The following MTF1 variants were observed in gnomAD, a reference collection of about 807,000 sequenced individuals.
MTF1 encodes the protein metal regulatory transcription factor 1, also known as MRE-binding transcription factor.
Under a neutral mutation model 70.4 loss-of-function variants are expected in MTF1, and 22 were observed. That is an observed-to-expected ratio of 0.31 (90% CI 0.22 to 0.45). The LOEUF (loss-of-function observed/expected upper bound fraction) is 0.45. MTF1 is among the 20% of genes least tolerant of loss of function. The pLI is 1.00. For missense variants in MTF1, 649 were observed against 922.0 expected (o/e 0.70, Z 3.83); for synonymous variants, 333 against 352.8 (o/e 0.94, Z 0.63).
Position 37,822,507 on chromosome 1 carries a change from G to C in MTF1, c.1381C>G (p.Pro461Ala), listed in dbSNP as rs372541799. Reference protein sequence around the residue: ...PGSQQAAFGNPPALLQPPEVP... With the variant: ...PGSQQAAFGNAPALLQPPEVP... ...TCTGGAGGTTGTAAGAGAGCAGGGG[G>C]GTTGCCAAATGCAGCTTGCTGGGAG... Residue 461 changes from proline to alanine, a missense_variant, in exon 9 of 11, where the codon CCC (proline) becomes GCC (alanine). By Grantham distance (27) the Pro-to-Ala change is conservative. Transcript: ENST00000373036. The C allele has an allele frequency of 3.1e-6, 5 of 1,614,026 alleles. No individual in the cohort carries two copies. The highest frequency in any genetic ancestry group is 4.2e-6 in the Non-Finnish European group (5 of 1,180,034).
Position 37,810,744 on chromosome 1 carries a change from C to T in MTF1, c.*4392G>A, listed in dbSNP as rs912431532. The T allele has an allele frequency of 6.6e-6, 1 of 152,192 alleles. No homozygotes were observed. Among genetic ancestry groups the T allele is most frequent in the South Asian group, 2.1e-4 (1 of 4,832 alleles). The allele number at this position is 152,192 out of a possible 1,614,324, so 9.4% of individuals were successfully genotyped here. ...GGCTGAAGTATATTCTAAAACTTGTCTATTCTATAGCCTGAGAATTGAAGA... is the reference window on the plus strand; with the variant it reads ...GGCTGAAGTATATTCTAAAACTTGTTTATTCTATAGCCTGAGAATTGAAGA... On this transcript the variant is annotated 3_prime_UTR_variant, in exon 11 of 11. Transcript: ENST00000373036.
chr1:37,815,115 A>G lies in MTF1; in HGVS notation c.*21T>C. ...CCTCCTGCTCACCCGCTTTTCCCAG[A>G]GGTGAGCACACATGGGCCCTTCACT... On this transcript the variant is annotated 3_prime_UTR_variant, in exon 11 of 11. Coordinates refer to ENST00000373036, the MANE Select transcript of MTF1 (RefSeq NM_005955.3). This position sits in a 1 kb window ranked among gnomAD's most constrained non-coding sequence, Gnocchi z 4.5. 6.2e-7 allele frequency: 1 copy of G among 1,607,098 alleles called. No homozygotes were observed. Among genetic ancestry groups the G allele is most frequent in the Non-Finnish European group, 8.5e-7 (1 of 1,174,676 alleles).
intron 2 of MTF1, among the ~76,000 whole-genome samples, chr1:37,849,830 T>C (rs1265237979): frequency 1.3e-5 from 2 of 152,106 alleles, no homozygotes; most frequent in Non-Finnish European, 2.9e-5. Context: ...CAGGTTACAG[T>C]GAGCTATGAT....
intron 2 of MTF1, among the ~76,000 whole-genome samples, chr1:37,853,868 C>T (rs1055177947): frequency 6.6e-6 from 1 of 152,136 alleles, no homozygotes; most frequent in Non-Finnish European, 1.5e-5. Flanking sequence ...TGCTATAAAT[C>T]GACTACCACA....
intron 7 of MTF1, among the ~76,000 whole-genome samples, chr1:37,824,593 G>T (rs1163329081): frequency 6.6e-6 from 1 of 152,202 alleles, no homozygotes; most frequent in East Asian, 1.9e-4. Flanking sequence ...AGCTACTTGG[G>T]AGGCTGAGGC....
intron 5 of MTF1, 42 bp downstream of exon 5, chr1:37,835,629 A>G: frequency 6.9e-7 from 1 of 1,456,396 alleles, no homozygotes; most frequent in Non-Finnish European, 9.6e-7. Flanking sequence ...TGGAAAATTG[A>G]TAGTTACAGG....
At chr1:37,822,807 C>G in intron 8 of MTF1, 91 bp from the exon 9 acceptor site, 1 of 822,022 alleles carries the variant, frequency 1.2e-6, no homozygotes, top group Non-Finnish European at 1.9e-6. Context: ...CAAAACACAG[C>G]TGAAGTCCAC....
intron 7 of MTF1, chr1:37,826,429 C>A (rs1055242095): frequency 1.7e-5 from 6 of 354,232 alleles, no homozygotes; most frequent in African/African-American, 1.1e-4. Flanking sequence ...TACAGGCGCA[C>A]GCCACCATGC....
chr1:37,843,343 G>C (rs1191375318), intron 2 of MTF1, among the ~76,000 whole-genome samples: 1 of 152,026 alleles, frequency 6.6e-6, no homozygotes, highest in Non-Finnish European at 1.5e-5. Context: ...AACATATTTG[G>C]AGGCAGAAAA....
chr1:37,834,428 A>C, intron 6 of MTF1, among the ~76,000 whole-genome samples: 1 of 141,838 alleles, frequency 7.1e-6, no homozygotes, highest in Non-Finnish European at 1.6e-5. Flanking sequence ...GGGTGGGGGA[A>C]GGGAAAGACT....
At chr1:37,857,909 G>A (rs542021770) in intron 1 of MTF1, among the ~76,000 whole-genome samples, 200 bp from the exon 2 acceptor site, 93 of 151,734 alleles carry the variant, frequency 6.1e-4, no homozygotes, top group African/African-American at 2.1e-3. Context: ...GGGCGTGGTG[G>A]CTCACACCTG....
chr1:37,859,422 T>A, intron 1 of MTF1, 109 bp downstream of exon 1: 1 of 398,348 alleles, frequency 2.5e-6, no homozygotes, highest in Non-Finnish European at 4.4e-6. Context: ...GTGGGGTCCC[T>A]ATGGTGACCA....
chr1:37,824,332 T>A (rs1369456859), intron 7 of MTF1, among the ~76,000 whole-genome samples: 1 of 152,286 alleles, frequency 6.6e-6, no homozygotes, highest in Non-Finnish European at 1.5e-5. Context: ...GCCTAAAATA[T>A]TTACTGTCTG....
At chr1:37,849,950 A>G (rs1641390989) in intron 2 of MTF1, among the ~76,000 whole-genome samples, 1 of 152,224 alleles carries the variant, frequency 6.6e-6, no homozygotes, top group South Asian at 2.1e-4. Flanking sequence ...TGGAGTAGAA[A>G]GGCCTTAAAG....
rs777194095 is a variant in MTF1, at chr1:37,835,686, C to T, written c.838G>A (p.Val280Ile). The T allele has an allele frequency of 3.7e-6, 6 of 1,614,056 alleles. No homozygotes were observed. Among genetic ancestry groups the T allele is most frequent in the East Asian group, 2.2e-5 (1 of 44,880 alleles). The change falls in exon 5 of 11, where the codon GTT (valine) becomes ATT (isoleucine). Residue 280 changes from valine to isoleucine, a missense_variant. Physicochemically the swap from Val to Ile is conservative, Grantham distance 29. This residue lies in a region of MTF1 where 118 missense variants were observed against 287.2 expected (regional missense o/e 0.41). Coordinates refer to ENST00000373036, the MANE Select transcript of MTF1 (RefSeq NM_005955.3). ...FAASHHLKTHVRTHTGERPFF... is the reference protein window; with the variant it reads ...FAASHHLKTHIRTHTGERPFF... ...CTAAACTCACCAGTATGTGTACGAA[C>T]GTGAGTTTTAAGGTGGTGGCTTGCT...
chr1:37,822,581 G>A lies in MTF1; in HGVS notation c.1307C>T (p.Pro436Leu). 1 of 1,614,064 alleles carries A rather than the reference G, an allele frequency of 6.2e-7. No homozygotes were observed. Among genetic ancestry groups the A allele is most frequent in the Non-Finnish European group, 8.5e-7 (1 of 1,180,012 alleles). ...GLSEPPQPLL[P>L]ASAPSAPPPA... is the part of the protein sequence containing the mutation. ...CGGAGGAGCAGACGGAGCTGAGGCA[G>A]GTAGTAGAGGCTGGGGTGGCTCGGA... The change falls in exon 9 of 11, where the codon CCT (proline) becomes CTT (leucine). Residue 436 changes from proline to leucine, a missense_variant. By Grantham distance (98) the Pro-to-Leu change is moderately conservative. Around this residue, in one of 7 missense-constraint regions of MTF1, gnomAD observed 267 missense variants for 292.1 expected, o/e 0.91. Transcript: ENST00000373036.
At position 37,822,573 on chromosome 1, in the gene MTF1, C is replaced by G. The variant is rs777751267; in HGVS notation, c.1315G>C (p.Ala439Pro). The change falls in exon 9 of 11, where the codon GCT (alanine) becomes CCT (proline). Residue 439 changes from alanine (A) to proline (P), a missense_variant. By Grantham distance (27) the Ala-to-Pro change is conservative. Around this residue, in one of 7 missense-constraint regions of MTF1, gnomAD observed 267 missense variants for 292.1 expected, o/e 0.91. Coordinates refer to ENST00000373036, the MANE Select transcript of MTF1 (RefSeq NM_005955.3). ...EPPQPLLPAS[A>P]PSAPPPAPSL... ...GGAGCAGGCGGAGGAGCAGACGGAG[C>G]TGAGGCAGGTAGTAGAGGCTGGGGT... The G allele has an allele frequency of 5.0e-6, 8 of 1,613,838 alleles. No homozygotes were observed. The highest frequency in any genetic ancestry group is 1.7e-5 in the Admixed American group (1 of 59,970).
chr1:37,832,171 TC>T, intron 7 of MTF1, 73 bp downstream of exon 7: 1 of 968,100 alleles, frequency 1.0e-6, no homozygotes. Context: ...CTGGCCTGCC[TC>T]AATTTTCCCA....
Position 37,838,797 on chromosome 1 carries a change from CTTTT to C in MTF1, c.648-45_648-42del, listed in dbSNP as rs746478428. 1,913 of 473,364 alleles carry C rather than the reference CTTTT, an allele frequency of 4.0e-3. 7 individuals are homozygous for C. Among genetic ancestry groups the C allele is most frequent in the African/African-American group, 6.4e-3 (231 of 36,248 alleles). The allele number at this position is 473,364 out of a possible 1,614,324, so 29.3% of individuals were successfully genotyped here. On this transcript the variant is annotated intron_variant, in intron 3 of 10. Coordinates refer to ENST00000373036, the MANE Select transcript of MTF1 (RefSeq NM_005955.3). ...GAAAAATTCCCTTTGTCATAAAATT[CTTTT>C]TTTTTTTTTTTTTTTTTTCTGAGAC...
Sources: gnomAD v4.1 joint callset for allele counts (sites outside exome capture counted in the v4.1 genomes callset) on GRCh38, gnomAD v4.1.1 for gene constraint, gnomAD v4.1.1 regional missense constraint, Gnocchi (gnomAD v3.1) non-coding constraint, MANE v1.5 for transcripts, NCBI Gene and HGNC (gene_info 2026-07-23, HGNC 2026-07-21) for gene names.